CEP170: variants seen among roughly 807,000 people sequenced by gnomAD.
The protein encoded by CEP170 is centrosomal protein 170, also known as centrosomal protein of 170 kDa.
Under a neutral mutation model 151.9 loss-of-function variants are expected in CEP170, and 21 were observed. The ratio of observed to expected loss-of-function variants is 0.14; its 90% CI spans 0.10 to 0.20. CEP170 has a LOEUF of 0.20. CEP170 is among the 10% of genes least tolerant of loss of function. CEP170 has a pLI of 1.00. For missense variants in CEP170, 964 were observed against 1,892.9 expected (o/e 0.51, Z 9.11); for synonymous variants, 356 against 648.8 (o/e 0.55, Z 6.86).
intron 8 of CEP170, 135 bp from the exon 9 acceptor site, chr1:243,186,557 A>G (rs1208432083): frequency 4.4e-6 from 4 of 901,944 alleles, no homozygotes; most frequent in Non-Finnish European, 4.9e-6. Context: ...CTTCAGTAAC[A>G]GGCTCGGCAA....
At chr1:243,209,685 GTT>G (rs201523372) in intron 4 of CEP170, among the ~76,000 whole-genome samples, 1 of 143,200 alleles carries the variant, frequency 7.0e-6, no homozygotes, top group Non-Finnish European at 1.5e-5. Flanking sequence ...ATAACAGATG[GTT>G]TTTTTTTTTT....
At chr1:243,159,709 C>T (rs2057881758) in intron 13 of CEP170, among the ~76,000 whole-genome samples, 2 of 149,380 alleles carry the variant, frequency 1.3e-5, no homozygotes, top group African/African-American at 2.5e-5. Context: ...GAGTTCAAAA[C>T]GAATTCTCTG....
chr1:243,158,025 A>C (rs2057720260), intron 13 of CEP170, among the ~76,000 whole-genome samples: 1 of 152,202 alleles, frequency 6.6e-6, no homozygotes, highest in East Asian at 1.9e-4. Flanking sequence ...TGATTTTAAC[A>C]CTGTAAGATA....
chr1:243,159,741 T>C (rs1450020142), intron 13 of CEP170, among the ~76,000 whole-genome samples: 2 of 126,792 alleles, frequency 1.6e-5, no homozygotes, highest in African/African-American at 5.8e-5. Context: ...GTTGTATACA[T>C]TCTACATTTT....
chr1:243,159,759 G>A (rs913143589), intron 13 of CEP170, among the ~76,000 whole-genome samples: 16 of 144,814 alleles, frequency 1.1e-4, no homozygotes, highest in African/African-American at 4.3e-4. Context: ...TTTTGTTTCC[G>A]GTTTTGTGTG....
chr1:243,169,002 TATAA>T (rs2058638819), intron 12 of CEP170, among the ~76,000 whole-genome samples: 1 of 149,562 alleles, frequency 6.7e-6, no homozygotes, highest in African/African-American at 2.5e-5. Flanking sequence ...CTTATATATA[TATAA>T]TATATATGTG....
chr1:243,255,660 T>C (rs1271168818), upstream of CEP170, among the ~76,000 whole-genome samples: 3 of 152,354 alleles, frequency 2.0e-5, no homozygotes, highest in East Asian at 5.8e-4. Flanking sequence ...GAAGCAGGGT[T>C]CAGAGTTTAC....
chr1:243,148,127 C>T (rs2056705221), intron 14 of CEP170, among the ~76,000 whole-genome samples: 2 of 150,584 alleles, frequency 1.3e-5, no homozygotes, highest in Non-Finnish European at 3.0e-5. Flanking sequence ...TGCAGTGAGC[C>T]GAGATCATGC....
intron 7 of CEP170, among the ~76,000 whole-genome samples, chr1:243,194,386 A>G (rs1460163612): frequency 6.6e-6 from 1 of 152,024 alleles, no homozygotes; most frequent in African/African-American, 2.4e-5. Context: ...TATAATAGTA[A>G]TACTGATATT....
chr1:243,143,364 T>G (rs1479097960), intron 14 of CEP170, among the ~76,000 whole-genome samples: 1 of 152,106 alleles, frequency 6.6e-6, no homozygotes, highest in Non-Finnish European at 1.5e-5. Flanking sequence ...CACCTTTAGA[T>G]GTAGCTAAGG....
chr1:243,140,034 T>C lies in CEP170; in HGVS notation c.4133A>G (p.Glu1378Gly). The part of the protein sequence containing the change: ...IPPLVHSKTP[E>G]GNNGRSGDPR... ...ATCACCAGATCGACCGTTGTTTCCT[T>C]CTGGTGTTTTGGAATGAACTAATGG... is the stretch of plus-strand genomic sequence containing the variant. The change falls in exon 16 of 20, where the codon GAA becomes GGA. Residue 1378 changes from glutamate (E) to glycine (G), a missense_variant. Coordinates refer to ENST00000366542, the MANE Select transcript of CEP170 (RefSeq NM_014812.3). 2 of 1,613,996 alleles carry C rather than the reference T, an allele frequency of 1.2e-6. No homozygotes were observed. The highest frequency in any genetic ancestry group is 1.7e-6 in the Non-Finnish European group (2 of 1,179,870).
intron 1 of CEP170, among the ~76,000 whole-genome samples, chr1:243,245,080 T>C (rs1399393896): frequency 1.3e-5 from 2 of 152,164 alleles, no homozygotes; most frequent in African/African-American, 4.8e-5. Flanking sequence ...AGCAGGGTGA[T>C]ACAACAGAAG....
chr1:243,190,632 G>A (rs2060252610), intron 8 of CEP170, among the ~76,000 whole-genome samples: 1 of 152,044 alleles, frequency 6.6e-6, no homozygotes, highest in South Asian at 2.1e-4. Flanking sequence ...ATTTCTTTCA[G>A]AATCTAGATA....
At chr1:243,237,863 C>T (rs906786416) in intron 1 of CEP170, among the ~76,000 whole-genome samples, 5 of 152,178 alleles carry the variant, frequency 3.3e-5, no homozygotes, top group Non-Finnish European at 5.9e-5. Flanking sequence ...CAAGATCACA[C>T]CACTGCACTC....
At chr1:243,212,902 T>C (rs2061947825) in intron 3 of CEP170, among the ~76,000 whole-genome samples, 2 of 152,116 alleles carry the variant, frequency 1.3e-5, no homozygotes, top group African/African-American at 4.8e-5. Flanking sequence ...TGGGCTCAAA[T>C]GATATGCCCA....
chr1:243,236,266 T>C (rs2064246939), intron 1 of CEP170, among the ~76,000 whole-genome samples: 1 of 152,210 alleles, frequency 6.6e-6, no homozygotes, highest in Non-Finnish European at 1.5e-5. Flanking sequence ...ATATGGGGCT[T>C]TTCCCACAAA....
intron 17 of CEP170, among the ~76,000 whole-genome samples, chr1:243,132,225 G>T (rs1308547196): frequency 6.6e-6 from 1 of 152,180 alleles, no homozygotes; most frequent in Non-Finnish European, 1.5e-5. Context: ...CCACGCAGAA[G>T]GCCCAGGTCT....
chr1:243,177,357 G>T (rs2059324555), intron 10 of CEP170, among the ~76,000 whole-genome samples: 2 of 152,164 alleles, frequency 1.3e-5, no homozygotes, highest in African/African-American at 2.4e-5. Context: ...TATTCCCACA[G>T]AAATGAAAAA....
intron 1 of CEP170, among the ~76,000 whole-genome samples, chr1:243,236,104 A>G (rs1402479002): frequency 6.6e-6 from 1 of 152,212 alleles, no homozygotes; most frequent in African/African-American, 2.4e-5. Flanking sequence ...AATTGCTTCT[A>G]TTAATACTTG....
Sources: gnomAD v4.1 joint callset for allele counts (sites outside exome capture counted in the v4.1 genomes callset) on GRCh38, gnomAD v4.1.1 for gene constraint, MANE v1.5 for transcripts, NCBI Gene and HGNC (gene_info 2026-07-23, HGNC 2026-07-21) for gene names.